MCF2L: variants seen among roughly 807,000 people sequenced by gnomAD.
The protein encoded by MCF2L is guanine nucleotide exchange factor DBS.
Under a neutral mutation model 153.4 loss-of-function variants are expected in MCF2L, and 97 were observed. That is an observed-to-expected ratio of 0.63 (90% CI 0.54 to 0.75). MCF2L has a LOEUF of 0.75. Among genes scored for constraint, MCF2L ranks in the 30% least tolerant of loss-of-function variants. The pLI is 0.00. For synonymous variants in MCF2L, 659 were observed against 632.2 expected (o/e 1.04, Z -0.64); for missense variants, 1,347 against 1,495.2 (o/e 0.90, Z 1.64).
rs544789781 is a variant in MCF2L, at chr13:113,070,028, A to G, written c.882-31A>G. The G allele has an allele frequency of 1.2e-5, 19 of 1,547,334 alleles. No homozygotes were observed. The Admixed American group carries it at 2.3e-4, about 19-fold the overall frequency. ...CACGTTGCATGGGGCGCCGTGGGCC[A>G]CACAGACGGTCAACTCCTCCTCTTT... On this transcript the variant is annotated intron_variant, in intron 8 of 29. Transcript: ENST00000535094. The surrounding 1 kb of genome is among the most constrained non-coding windows in gnomAD (Gnocchi z 5.6).
intron 1 of MCF2L, among the ~76,000 whole-genome samples, chr13:113,003,154 T>C (rs2083475109): frequency 6.6e-6 from 1 of 152,058 alleles, no homozygotes; most frequent in Non-Finnish European, 1.5e-5. Flanking sequence ...CTAGCCTGGG[T>C]GAGGGCGTGA....
chr13:113,007,222 A>G (rs966359854), intron 1 of MCF2L, among the ~76,000 whole-genome samples: 2 of 152,166 alleles, frequency 1.3e-5, no homozygotes, highest in Non-Finnish European at 2.9e-5. Flanking sequence ...GTGGATGCTG[A>G]GGCCCACCTG....
chr13:112,944,738 G>A (rs961320751), intron 2 of MCF2L, among the ~76,000 whole-genome samples: 2 of 152,114 alleles, frequency 1.3e-5, no homozygotes, highest in East Asian at 3.9e-4. Context: ...CGCCCGCCTC[G>A]GCCTCCCAAA....
chr13:112,988,244 T>A (rs2082730048), intron 1 of MCF2L, among the ~76,000 whole-genome samples: 2 of 152,100 alleles, frequency 1.3e-5, no homozygotes, highest in South Asian at 4.1e-4. Flanking sequence ...ACTGTGTTTT[T>A]TTTTTTTAAT....
At chr13:113,083,434 T>G (rs1221256833) in intron 17 of MCF2L, among the ~76,000 whole-genome samples, 1 of 152,200 alleles carries the variant, frequency 6.6e-6, no homozygotes, top group Admixed American at 6.5e-5. Flanking sequence ...CCTTAGTATC[T>G]GTCCTCATGG....
rs1315416608 is a variant in MCF2L, at chr13:112,969,692, G to A, written c.79+234G>A. On this transcript the variant is annotated intron_variant, in intron 1 of 29. Transcript: ENST00000535094. The surrounding 1 kb of genome is among the most constrained non-coding windows in gnomAD (Gnocchi z 4.8). ...ACGTTGGTGACACTGGCTCTCTCAGGGTTGCTGGGTCTGCATGCGGAGCCA... is the reference window on the plus strand; with the variant it reads ...ACGTTGGTGACACTGGCTCTCTCAGAGTTGCTGGGTCTGCATGCGGAGCCA... Among the ~76,000 whole-genome samples, 1 of 152,112 alleles carries A rather than the reference G, an allele frequency of 6.6e-6. No individual in the cohort carries two copies. Among genetic ancestry groups the A allele is most frequent in the East Asian group, 1.9e-4 (1 of 5,188 alleles).
In MCF2L at chr13:113,028,556, C is replaced by T. The variant is rs1335901803; in HGVS notation, c.278+3798C>T. Among the ~76,000 whole-genome samples the T allele has an allele frequency of 1.3e-5, 2 of 152,218 alleles. No individual in the cohort carries two copies. The highest frequency in any genetic ancestry group is 2.9e-5 in the Non-Finnish European group (2 of 68,046). ...GTGGCCGGAGCGCAGGCCCAGTCCCCGCTGTGGACACGCGGGCCCCAGGTT... is the reference window on the plus strand; with the variant it reads ...GTGGCCGGAGCGCAGGCCCAGTCCCTGCTGTGGACACGCGGGCCCCAGGTT... On this transcript the variant is annotated intron_variant, in intron 3 of 29. Coordinates refer to ENST00000535094, the MANE Select transcript of MCF2L (RefSeq NM_001112732.3). This position sits in a 1 kb window ranked among gnomAD's most constrained non-coding sequence, Gnocchi z 5.4.
In MCF2L at chr13:113,087,854, A is replaced by T. The variant is rs1595004082; in HGVS notation, c.2688+55A>T. Reference sequence around the variant, plus strand: ...TACACATTGCCACGAATGGTTTCTCATGGGAACCAGTGCAAGGATCTGCCA... The same window carrying T: ...TACACATTGCCACGAATGGTTTCTCTTGGGAACCAGTGCAAGGATCTGCCA... On this transcript the variant is annotated intron_variant, in intron 23 of 29. Coordinates refer to ENST00000535094, the MANE Select transcript of MCF2L (RefSeq NM_001112732.3). The T allele has an allele frequency of 4.2e-6, 6 of 1,441,584 alleles. No homozygotes were observed. In the East Asian group the frequency reaches 9.1e-5, roughly 22 times the overall value. 89.3% of individuals were successfully genotyped at this position (1,441,584 alleles called of 1,614,324 possible).
chr13:113,088,497 G>A lies in MCF2L; in HGVS notation c.2768-65G>A, dbSNP rs895142270. 1.0e-4 allele frequency: 167 copies of A among 1,604,878 alleles called. 2 individuals carry two copies. The East Asian group carries it at 1.7e-3, about 17-fold the overall frequency. On this transcript the variant is annotated intron_variant, in intron 24 of 29. Coordinates refer to ENST00000535094, the MANE Select transcript of MCF2L (RefSeq NM_001112732.3). Reference sequence around the variant, plus strand: ...GAGCAACCGCACAGTCCCCCCATGCGCAAGGTGCCTCGGCGTTGAAGTAAA... The same window carrying A: ...GAGCAACCGCACAGTCCCCCCATGCACAAGGTGCCTCGGCGTTGAAGTAAA...
At position 112,993,023 on chromosome 13, in the gene MCF2L, T is replaced by C. The variant is rs1212025235; in HGVS notation, c.80-21740T>C. 1.3e-5 allele frequency among the ~76,000 whole-genome samples: 2 copies of C among 152,046 alleles called. No individual in the cohort carries two copies. Among genetic ancestry groups the C allele is most frequent in the African/African-American group, 4.8e-5 (2 of 41,408 alleles). On this transcript the variant is annotated intron_variant, in intron 1 of 29. Transcript: ENST00000535094. The surrounding 1 kb of genome is among the most constrained non-coding windows in gnomAD (Gnocchi z 4.6). ...AACGTGCGCGGGCATCAGGCAGGAG[T>C]CCATGGGCCATGGGGGTGAGGAGAG...
chr13:113,045,421 T>C lies in MCF2L; in HGVS notation c.369+60T>C, dbSNP rs1342032622. ...CCCCTCCCTGGGCTGCATGACCGCA[T>C]GGTGCCCTTCCTCTGTGTCTGCCGC... On this transcript the variant is annotated intron_variant, in intron 4 of 29. Coordinates refer to ENST00000535094, the MANE Select transcript of MCF2L (RefSeq NM_001112732.3). This position sits in a 1 kb window ranked among gnomAD's most constrained non-coding sequence, Gnocchi z 4.2. 7.4e-7 allele frequency: 1 copy of C among 1,353,326 alleles called. No individual in the cohort carries two copies. The highest frequency in any genetic ancestry group is 1.1e-6 in the Non-Finnish European group (1 of 946,254). 83.8% of individuals were successfully genotyped at this position (1,353,326 alleles called of 1,614,324 possible).
intron 2 of MCF2L, among the ~76,000 whole-genome samples, chr13:112,954,204 C>G (rs903736231): frequency 7.2e-5 from 11 of 152,164 alleles, no homozygotes; most frequent in African/African-American, 2.2e-4. Context: ...CTCCTGTTTC[C>G]AGGCCTCACA....
At chr13:112,964,163 T>G (rs998009065) in intron 2 of MCF2L, among the ~76,000 whole-genome samples, 7 of 152,224 alleles carry the variant, frequency 4.6e-5, no homozygotes, top group Non-Finnish European at 1.0e-4. Context: ...GGATGGCCCC[T>G]GCCCACAGCA....
At chr13:113,057,252 CTGTG>C (rs1362454719) in intron 4 of MCF2L, among the ~76,000 whole-genome samples, 1 of 138,616 alleles carries the variant, frequency 7.2e-6, no homozygotes, top group Non-Finnish European at 1.5e-5. Context: ...TGTTTAGGTG[CTGTG>C]TGTTTGGGTG....
Position 112,915,181 on chromosome 13 carries a change from C to T in MCF2L, c.169+12810C>T, listed in dbSNP as rs539493843. ...TCCCAGCACTTTGGGAGGCTGAGGT[C>T]GGTGGATCACAAGGTCAGGAGATCG... On this transcript the variant is annotated intron_variant, in intron 2 of 29. Coordinates refer to the MCF2L transcript ENST00000375608. Among the ~76,000 whole-genome samples, 7 of 151,444 alleles carry T rather than the reference C, an allele frequency of 4.6e-5. No homozygotes were observed. The East Asian group carries it at 5.8e-4, about 13-fold the overall frequency.
intron 3 of MCF2L, chr13:113,044,939 A>C: frequency 1.2e-6 from 2 of 1,603,154 alleles, no homozygotes; most frequent in Non-Finnish European, 1.7e-6. Flanking sequence ...GTCACCCAGG[A>C]AAGGAAAATG....
rs545117586 is a variant in MCF2L, at chr13:112,907,803, C to T, written c.169+5432C>T. Among the ~76,000 whole-genome samples the T allele has an allele frequency of 2.0e-4, 31 of 152,272 alleles. No homozygotes were observed. Among genetic ancestry groups the T allele is most frequent in the Middle Eastern group, 3.4e-3 (1 of 294 alleles). Reference sequence around the variant, plus strand: ...TGCAGAAAACAGCTCTGAGAAAAGGCGATCTCAGCAGCACGCCGTGTTAAA... The same window carrying T: ...TGCAGAAAACAGCTCTGAGAAAAGGTGATCTCAGCAGCACGCCGTGTTAAA... On this transcript the variant is annotated intron_variant, in intron 2 of 29. Transcript: ENST00000375608. This position sits in a 1 kb window ranked among gnomAD's most constrained non-coding sequence, Gnocchi z 5.1.
intron 1 of MCF2L, among the ~76,000 whole-genome samples, chr13:112,971,628 A>G (rs1433450062): frequency 1.3e-5 from 2 of 152,094 alleles, no homozygotes; most frequent in African/African-American, 4.8e-5. Context: ...GTCACCTAGA[A>G]CCTTCATTAG....
At chr13:112,978,980 C>G (rs1025696687) in intron 1 of MCF2L, among the ~76,000 whole-genome samples, 1 of 152,228 alleles carries the variant, frequency 6.6e-6, no homozygotes, top group Non-Finnish European at 1.5e-5. Flanking sequence ...GCTGTCACCT[C>G]TCACCCCTCG....
Sources: allele counts gnomAD v4.1 joint callset (sites outside exome capture counted in the v4.1 genomes callset), GRCh38; gene constraint gnomAD v4.1.1; non-coding constraint Gnocchi (gnomAD v3.1); transcripts MANE v1.5; gene names NCBI Gene and HGNC (gene_info 2026-07-23, HGNC 2026-07-21).